The following NPL variants were observed in gnomAD, a reference collection of about 807,000 sequenced individuals.
NPL encodes N-acetylneuraminate lyase.
In NPL, 32 loss-of-function variants were observed where a neutral mutation model predicts 41.1. That is an observed-to-expected ratio of 0.78 (90% CI 0.59 to 1.05). NPL has a LOEUF of 1.05. Among genes scored for constraint, NPL ranks in the 50% least tolerant of loss-of-function variants. The pLI is 0.00. For missense variants in NPL, 321 were observed against 378.4 expected (o/e 0.85, Z 1.26); for synonymous variants, 128 against 134.9 (o/e 0.95, Z 0.35).
At chr1:182,816,634 ATCAGATGATTCTCTTTTTTACCAGG>A (rs1667339124) in intron 7 of NPL, 55 bp from the exon 8 acceptor site, 1 of 977,506 alleles carries the variant, frequency 1.0e-6, no homozygotes, top group African/African-American at 1.6e-5. Context: ...GTTGTGTTTC[ATCAGATGATTCTCTTTTTTACCAGG>A]AAAGCCACTG....
In NPL at chr1:182,792,987, C is replaced by T. The variant is rs141590171; in HGVS notation, c.-17+701C>T. Among the ~76,000 whole-genome samples the T allele has an allele frequency of 3.5e-3, 526 of 152,332 alleles. 3 individuals carry two copies. Among genetic ancestry groups the T allele is most frequent in the Middle Eastern group, 0.02 (6 of 294 alleles). ...TTAGATTTAAGTATAGTGGGCATTG[C>T]ATTTTTGAATGTGCCAGTAATGTCA... On this transcript the variant is annotated intron_variant, in intron 2 of 12. Transcript: ENST00000367553.
chr1:182,807,643 A>G (rs1430741401), intron 5 of NPL, among the ~76,000 whole-genome samples: 5 of 150,944 alleles, frequency 3.3e-5, no homozygotes, highest in East Asian at 1.9e-4. Context: ...TTGGGAGGCC[A>G]AGGCGGGCGG....
intron 4 of NPL, among the ~76,000 whole-genome samples, chr1:182,804,627 T>A (rs929550701): frequency 6.6e-6 from 1 of 152,232 alleles, no homozygotes. Context: ...GCGATTGAGC[T>A]GTCCCTTGCT....
intron 8 of NPL, among the ~76,000 whole-genome samples, chr1:182,817,894 T>A (rs1667379553): frequency 6.6e-6 from 1 of 152,198 alleles, no homozygotes; most frequent in Non-Finnish European, 1.5e-5. Context: ...TTTAAGTTTC[T>A]ATGGAGACTT....
At chr1:182,802,431 TAC>T (rs1160117384) in intron 3 of NPL, among the ~76,000 whole-genome samples, 1 of 152,244 alleles carries the variant, frequency 6.6e-6, no homozygotes, top group African/African-American at 2.4e-5. Context: ...TTTTGACATG[TAC>T]ATTTTGATGC....
At chr1:182,827,704 T>C (rs186300471) in intron 12 of NPL, among the ~76,000 whole-genome samples, 1 of 152,356 alleles carries the variant, frequency 6.6e-6, no homozygotes, top group Non-Finnish European at 1.5e-5. Context: ...CTTTTATCTC[T>C]GAGAAGTCTC....
intron 6 of NPL, among the ~76,000 whole-genome samples, chr1:182,812,922 AG>A: frequency 6.6e-6 from 1 of 152,200 alleles, no homozygotes; most frequent in East Asian, 1.9e-4. Context: ...TGGGAGGCCG[AG>A]GCAGGCAGAT....
intron 3 of NPL, among the ~76,000 whole-genome samples, chr1:182,796,578 A>G (rs766551070): frequency 2.2e-4 from 33 of 152,200 alleles, no homozygotes; most frequent in Non-Finnish European, 4.3e-4. Context: ...TTCCAATGAA[A>G]GCTCAGTAAC....
intron 8 of NPL, among the ~76,000 whole-genome samples, chr1:182,817,640 T>C (rs1431634285): frequency 2.0e-5 from 3 of 152,214 alleles, no homozygotes; most frequent in Admixed American, 6.5e-5. Context: ...TCCCACCAGC[T>C]GGCTATAAAT....
intron 3 of NPL, 34 bp from the exon 4 acceptor site, chr1:182,803,664 A>T (rs747218105): frequency 7.2e-7 from 1 of 1,395,806 alleles, no homozygotes; most frequent in South Asian, 1.2e-5. Context: ...TCTGAAAAAG[A>T]CTAAATATGC....
intron 5 of NPL, chr1:182,806,553 G>A (rs1173347933): frequency 5.2e-6 from 8 of 1,534,962 alleles, no homozygotes; most frequent in Admixed American, 2.0e-5. Flanking sequence ...GGGTGGTGAC[G>A]GACTCTGCTG....
intron 10 of NPL, among the ~76,000 whole-genome samples, chr1:182,819,452 A>AC (rs1359871763): frequency 6.6e-6 from 1 of 151,856 alleles, no homozygotes; most frequent in East Asian, 1.9e-4. Context: ...ATCTCAAAAA[A>AC]AAAAAAAAAT....
intron 4 of NPL, among the ~76,000 whole-genome samples, chr1:182,805,546 T>A (rs1413736622): frequency 6.6e-6 from 1 of 152,256 alleles, no homozygotes; most frequent in Non-Finnish European, 1.5e-5. Context: ...TTTCAGACTT[T>A]ATCTTTTTAT....
intron 11 of NPL, 83 bp from the exon 12 acceptor site, chr1:182,825,698 G>C: frequency 1.0e-6 from 1 of 976,580 alleles, no homozygotes; most frequent in Non-Finnish European, 1.7e-6. Context: ...ACTTTTTAGG[G>C]TTTCTGTAAT....
At chr1:182,816,853 C>A in intron 8 of NPL, 47 bp downstream of exon 8, 1 of 1,442,888 alleles carries the variant, frequency 6.9e-7, no homozygotes, top group Non-Finnish European at 9.7e-7. Flanking sequence ...ACTCTCACAT[C>A]TTACCCTATT....
rs1363826289 is a variant in NPL, at chr1:182,816,762, T to A, written c.413T>A (p.Leu138Gln). The stretch of plus-strand genomic sequence containing the variant: ...GAAGTGGCTGCTGCCGCCCCTGCCC[T>A]GCCATTTTATTACTATCACATTCCT... Reference protein sequence around the residue: ...LKEVAAAAPALPFYYYHIPAL... With the variant: ...LKEVAAAAPAQPFYYYHIPAL... Residue 138 changes from leucine to glutamine, a missense_variant, in exon 8 of 13, where the codon CTG becomes CAG. Physicochemically the swap from Leu to Gln is moderately radical, Grantham distance 113. Transcript: ENST00000367553. The A allele has an allele frequency of 6.2e-7, 1 of 1,613,812 alleles. No homozygotes were observed. The highest frequency in any genetic ancestry group is 1.7e-5 in the Admixed American group (1 of 60,024).
intron 5 of NPL, among the ~76,000 whole-genome samples, chr1:182,808,346 A>T (rs1466833784): frequency 6.6e-6 from 1 of 152,204 alleles, no homozygotes. Flanking sequence ...GACTGAGAAG[A>T]CCACTAGGTT....
chr1:182,818,783 T>C (rs1269389476), intron 9 of NPL, 30 bp from the exon 10 acceptor site: 2 of 1,613,948 alleles, frequency 1.2e-6, no homozygotes, highest in East Asian at 4.5e-5. Flanking sequence ...CTCTTTTTTA[T>C]ACAAGTGAAT....
rs2225789 is a variant in NPL at position 182,812,138 on chromosome 1, G to T, written c.231-18G>T. 0.024 allele frequency: 38,462 copies of T among 1,613,430 alleles called. 2,847 individuals are homozygous for T. The African/African-American group carries it at 0.25, about 11-fold the overall frequency. On this transcript the variant is annotated intron_variant, in intron 5 of 12. Transcript: ENST00000367553. ...CCTCTAAACTCTAAGCGATGCAGCA[G>T]TGTTTTTTCTTTTGCAGGCTGGATC...
Sources: gnomAD v4.1 joint callset for allele counts (sites outside exome capture counted in the v4.1 genomes callset) on GRCh38, gnomAD v4.1.1 for gene constraint, MANE v1.5 for transcripts, NCBI Gene and HGNC (gene_info 2026-07-23, HGNC 2026-07-21) for gene names.